SLC36A1: variants seen among roughly 807,000 people sequenced by gnomAD.
The protein encoded by SLC36A1 is solute carrier family 36 member 1, also known as proton-coupled amino acid transporter 1.
SLC36A1 carries 30 observed loss-of-function variants against 47.5 expected under a neutral mutation model. That is an observed-to-expected ratio of 0.63 (90% CI 0.47 to 0.86). The LOEUF (loss-of-function observed/expected upper bound fraction) is 0.86. Among genes scored for constraint, SLC36A1 ranks in the 40% least tolerant of loss-of-function variants. The pLI, the probability that SLC36A1 is intolerant of heterozygous loss-of-function variation, is 0.00. For synonymous variants in SLC36A1, 255 were observed against 249.7 expected (o/e 1.02, Z -0.20); for missense variants, 517 against 606.0 (o/e 0.85, Z 1.54).
the SLC36A1 span, among the ~76,000 whole-genome samples, chr5:151,513,299 T>C: frequency 6.6e-6 from 1 of 152,318 alleles, no homozygotes; most frequent in East Asian, 1.9e-4. Context: ...CACTCATATG[T>C]TGATTGCAGC....
the SLC36A1 span, among the ~76,000 whole-genome samples, chr5:151,526,709 A>G: frequency 1.3e-5 from 2 of 152,314 alleles, no homozygotes; most frequent in East Asian, 3.9e-4. Context: ...CCATACCCAT[A>G]ATATATAAAA....
chr5:151,367,789 C>A, the SLC36A1 span, among the ~76,000 whole-genome samples: 2 of 152,318 alleles, frequency 1.3e-5, no homozygotes, highest in African/African-American at 2.4e-5. Flanking sequence ...TCCTCTGCTG[C>A]AGCTTCAGCC....
chr5:151,483,515 TGTGGGGG>T (rs1759096620), intron 10 of SLC36A1, among the ~76,000 whole-genome samples: 1 of 110,126 alleles, frequency 9.1e-6, no homozygotes, highest in African/African-American at 3.5e-5. Context: ...TCTTTGTGTG[TGTGGGGG>T]GGGTGATTAG....
chr5:151,451,107 C>T (rs1051191430), intron 1 of SLC36A1: 5 of 152,266 alleles, frequency 3.3e-5, no homozygotes, highest in Non-Finnish European at 7.3e-5. Context: ...GAAATAGGAA[C>T]CACACGGTGC....
the SLC36A1 span, among the ~76,000 whole-genome samples, chr5:151,524,448 A>G: frequency 9.9e-5 from 15 of 152,210 alleles, no homozygotes; most frequent in Admixed American, 9.8e-4. Context: ...ATGTGATACA[A>G]TGAGAAGCCG....
the SLC36A1 span, chr5:151,551,325 G>C: frequency 2.2e-5 from 18 of 829,122 alleles, no homozygotes; most frequent in Non-Finnish European, 3.4e-5. Flanking sequence ...GAAGTAGAGA[G>C]TGTATTAGAC....
the SLC36A1 span, chr5:151,540,432 C>T: frequency 1.8e-6 from 1 of 569,490 alleles, no homozygotes; most frequent in Non-Finnish European, 3.1e-6. Context: ...CCTCAATCTC[C>T]CTTCTCCTGC....
At chr5:151,534,721 A>T in the SLC36A1 span, 3 of 1,215,080 alleles carry the variant, frequency 2.5e-6, no homozygotes, top group South Asian at 4.2e-5. Flanking sequence ...TATCTACAGG[A>T]GACAAACCCA....
chr5:151,544,604 A>G, the SLC36A1 span: 2 of 1,614,068 alleles, frequency 1.2e-6, no homozygotes, highest in East Asian at 4.5e-5. Flanking sequence ...ACTTTGTAAT[A>G]AGGACTCTGA....
chr5:151,368,373 C>T, the SLC36A1 span, among the ~76,000 whole-genome samples: 1 of 152,232 alleles, frequency 6.6e-6, no homozygotes, highest in African/African-American at 2.4e-5. Context: ...TCTTGAATTG[C>T]AATTCCTAAG....
chr5:151,461,487 C>G (rs1755505667), intron 2 of SLC36A1, among the ~76,000 whole-genome samples: 1 of 152,130 alleles, frequency 6.6e-6, no homozygotes, highest in Admixed American at 6.5e-5. Context: ...CTGAAACTGG[C>G]TCTCTAAAGG....
chr5:151,450,855 AC>A (rs1325053441), intron 1 of SLC36A1: 1 of 152,106 alleles, frequency 6.6e-6, no homozygotes, highest in Non-Finnish European at 1.5e-5. Context: ...AGCATTACTC[AC>A]ACCTAGGCCA....
At chr5:151,438,925 T>C (rs975390007) in intron 1 of SLC36A1, among the ~76,000 whole-genome samples, 1 of 152,220 alleles carries the variant, frequency 6.6e-6, no homozygotes, top group Non-Finnish European at 1.5e-5. Context: ...ATTGATATAA[T>C]GTTTTATTGG....
chr5:151,389,162 A>T, the SLC36A1 span, among the ~76,000 whole-genome samples: 2 of 152,136 alleles, frequency 1.3e-5, no homozygotes, highest in South Asian at 4.1e-4. Flanking sequence ...CAATGCTGAG[A>T]GTATTGTTCC....
the SLC36A1 span, among the ~76,000 whole-genome samples, chr5:151,426,743 C>A: frequency 1.3e-5 from 2 of 152,144 alleles, no homozygotes; most frequent in African/African-American, 4.8e-5. Context: ...GGGGGATGGT[C>A]AGGTCTTTCC....
chr5:151,405,791 A>G, the SLC36A1 span, among the ~76,000 whole-genome samples: 1 of 152,000 alleles, frequency 6.6e-6, no homozygotes, highest in Non-Finnish European at 1.5e-5. Flanking sequence ...TACATTGTGT[A>G]TAGTTGATTG....
At chr5:151,399,821 C>G in the SLC36A1 span, among the ~76,000 whole-genome samples, 1 of 152,138 alleles carries the variant, frequency 6.6e-6, no homozygotes, top group African/African-American at 2.4e-5. Context: ...TTAGCATATT[C>G]TGCATACACA....
the SLC36A1 span, chr5:151,431,225 A>C: frequency 3.3e-5 from 5 of 152,120 alleles, no homozygotes; most frequent in Non-Finnish European, 7.3e-5. Flanking sequence ...ATTCCACAAA[A>C]GTTTTCAGGT....
chr5:151,507,114 C>T, the SLC36A1 span: 2 of 1,505,846 alleles, frequency 1.3e-6, no homozygotes, highest in Non-Finnish European at 1.8e-6. Context: ...CCACCCACTT[C>T]CATCAATCCC....
Sources: allele counts gnomAD v4.1 joint callset (sites outside exome capture counted in the v4.1 genomes callset), GRCh38; gene constraint gnomAD v4.1.1; transcripts MANE v1.5; gene names NCBI Gene and HGNC (gene_info 2026-07-23, HGNC 2026-07-21).